The following QKI variants were observed in gnomAD, a reference collection of about 807,000 sequenced individuals.
The protein encoded by QKI is KH domain-containing RNA-binding protein QKI.
QKI carries 10 observed loss-of-function variants against 39.0 expected under a neutral mutation model. The ratio of observed to expected loss-of-function variants is 0.26; its 90% CI spans 0.16 to 0.43. The LOEUF (loss-of-function observed/expected upper bound fraction) is 0.43. Ranked by LOEUF, QKI falls within the 20% of genes least tolerant of loss-of-function variation. The probability of loss-of-function intolerance (pLI) is 1.00; values close to 1 mark genes in which losing one functional copy is unlikely to be tolerated. For missense variants in QKI, 218 were observed against 428.0 expected, an observed-to-expected ratio of 0.51 and a Z score of 4.33; for synonymous variants, 204 against 155.4, an observed-to-expected ratio of 1.31 and a Z score of -2.33.
At chr6:163,432,271 C>T (rs934202015) in intron 1 of QKI, among the ~76,000 whole-genome samples, 1 of 152,140 alleles carries the variant, frequency 6.6e-6, no homozygotes, top group Non-Finnish European at 1.5e-5. Context: ...CAAAGGCTCT[C>T]CTAGGTAGTG....
chr6:163,564,133 G>T lies in QKI; in HGVS notation c.934+414G>T, dbSNP rs1783205955. On this transcript the variant is annotated intron_variant, in intron 6 of 7. Transcript: ENST00000361752. ...TTGGAAAATTTTTAAACTTCTAAGT[G>T]AAAGTAGTCTGAGCGCTTTATAAAA... is the stretch of plus-strand genomic sequence containing the variant. 9.7e-6 allele frequency: 10 copies of T among 1,031,342 alleles called. No homozygotes were observed. In the South Asian group the frequency reaches 3.7e-4, roughly 38 times the overall value. The allele number at this position is 1,031,342 out of a possible 1,614,324, so 63.9% of individuals were successfully genotyped here. A position where few individuals can be genotyped will look rare whatever the true frequency, so the allele number is the denominator to read the frequency against.
chr6:163,562,183 CTG>C (rs1783069357), intron 5 of QKI, 114 bp downstream of exon 5: 1 of 596,086 alleles, frequency 1.7e-6, no homozygotes, highest in Non-Finnish European at 2.7e-6. Context: ...GTTGAAATAA[CTG>C]TTCTGTCACT....
chr6:163,446,501 A>G (rs1790164948), intron 1 of QKI, among the ~76,000 whole-genome samples: 1 of 152,126 alleles, frequency 6.6e-6, no homozygotes, highest in African/African-American at 2.4e-5. Context: ...TCTTCTTCGG[A>G]TATTCATTAA....
rs1783711251 is a variant in QKI at position 163,571,718 on chromosome 6, A to AC, written c.*1008_*1009insC. On this transcript the variant is annotated 3_prime_UTR_variant, in exon 8 of 8. Coordinates refer to ENST00000361752, the MANE Select transcript of QKI (RefSeq NM_006775.3). ...GTAGCATTTTATACTTTCAAGTGTT[A>AC]TAAAAAAAAAGAAAAAGAACAAAGA... is the stretch of plus-strand genomic sequence containing the variant. 4.8e-5 allele frequency: 2 copies of AC among 41,836 alleles called. No homozygotes were observed. Among genetic ancestry groups the AC allele is most frequent in the Non-Finnish European group, 7.5e-5 (2 of 26,592 alleles). 2.6% of individuals were successfully genotyped at this position (41,836 alleles called of 1,614,324 possible).
rs1377694607 is a variant in QKI at position 163,576,399 on chromosome 6, A to T, written c.*5689A>T. 1 of 152,288 alleles carries T rather than the reference A, an allele frequency of 6.6e-6. No homozygotes were observed. The highest frequency in any genetic ancestry group is 1.9e-4 in the East Asian group (1 of 5,190). 9.4% of individuals were successfully genotyped at this position (152,288 alleles called of 1,614,324 possible). On this transcript the variant is annotated 3_prime_UTR_variant, in exon 8 of 8. Transcript: ENST00000361752. ...AGCCACAGTGTTGATTCCACATTATAATGTTGTTGCCTCTTCTTGGCAAAA... is the reference window on the plus strand; with the variant it reads ...AGCCACAGTGTTGATTCCACATTATTATGTTGTTGCCTCTTCTTGGCAAAA...
intron 1 of QKI, among the ~76,000 whole-genome samples, chr6:163,439,280 G>T (rs975782955): frequency 4.1e-5 from 6 of 147,832 alleles, no homozygotes; most frequent in Admixed American, 6.9e-5. Context: ...TCAAGCGAAA[G>T]AATTTATTCT....
chr6:163,429,072 G>A (rs553040213), intron 1 of QKI: 7 of 152,276 alleles, frequency 4.6e-5, no homozygotes, highest in African/African-American at 9.6e-5. Context: ...CAGAGATAGC[G>A]TAGCACATTG....
intron 3 of QKI, among the ~76,000 whole-genome samples, chr6:163,506,885 T>A (rs181693834): frequency 1.3e-5 from 2 of 152,312 alleles, no homozygotes. Context: ...ACCCACTTCA[T>A]TCCTCCCATC....
intron 3 of QKI, among the ~76,000 whole-genome samples, chr6:163,521,775 C>T (rs1367230440): frequency 1.3e-5 from 2 of 152,162 alleles, no homozygotes; most frequent in African/African-American, 4.8e-5. Context: ...CCCACCTCAG[C>T]CTCCCAAAGT....
intron 3 of QKI, among the ~76,000 whole-genome samples, chr6:163,500,817 T>C (rs1329259256): frequency 6.6e-6 from 1 of 152,146 alleles, no homozygotes; most frequent in Non-Finnish European, 1.5e-5. Flanking sequence ...ATTGCTAAGC[T>C]AGAGGCAATA....
At chr6:163,469,131 C>G (rs1791999032) in intron 2 of QKI, among the ~76,000 whole-genome samples, 1 of 152,126 alleles carries the variant, frequency 6.6e-6, no homozygotes, top group South Asian at 2.1e-4. Context: ...AACTGCTTTA[C>G]AAATATTTTT....
Position 163,575,012 on chromosome 6 carries a change from A to G in QKI, c.*4302A>G, listed in dbSNP as rs1257516631. ...TTAGCTGATGTGAGTGATAACAGCG[A>G]ATCACCATTGAGATGGTCATTTGGA... On this transcript the variant is annotated 3_prime_UTR_variant, in exon 8 of 8. Transcript: ENST00000361752. 6.6e-6 allele frequency: 1 copy of G among 152,178 alleles called. No individual in the cohort carries two copies. Among genetic ancestry groups the G allele is most frequent in the Non-Finnish European group, 1.5e-5 (1 of 68,034 alleles). The allele number at this position is 152,178 out of a possible 1,614,324, so 9.4% of individuals were successfully genotyped here. A position where few individuals can be genotyped will look rare whatever the true frequency, so the allele number is the denominator to read the frequency against.
chr6:163,560,755 G>A (rs1782943074), intron 4 of QKI, among the ~76,000 whole-genome samples: 1 of 152,206 alleles, frequency 6.6e-6, no homozygotes, highest in African/African-American at 2.4e-5. Flanking sequence ...GAGACAGAAT[G>A]TTGAGAAACA....
chr6:163,418,331 A>G (rs1023792800), intron 1 of QKI, among the ~76,000 whole-genome samples: 4 of 152,136 alleles, frequency 2.6e-5, no homozygotes, highest in Non-Finnish European at 5.9e-5. Flanking sequence ...CCATTTGGCT[A>G]GTTACAAATT....
At position 163,490,293 on chromosome 6, in the gene QKI, T is replaced by C. The variant is rs1012849625; in HGVS notation, c.402+11397T>C. On this transcript the variant is annotated intron_variant, in intron 3 of 7. Transcript: ENST00000361752. ...AGTTTTCATTACCTTCTACCATAGT[T>C]AATTTAATACAATCTGCGGCAGCAG... 8.5e-5 allele frequency among the ~76,000 whole-genome samples: 13 copies of C among 152,222 alleles called. No individual in the cohort carries two copies. In the East Asian group the frequency reaches 2.5e-3, roughly 29 times the overall value.
At chr6:163,466,195 C>T (rs773945668) in intron 2 of QKI, among the ~76,000 whole-genome samples, 1 of 150,324 alleles carries the variant, frequency 6.7e-6, no homozygotes. Flanking sequence ...AGAAATAATA[C>T]CCAGGAGGTA....
intron 1 of QKI, chr6:163,416,391 C>T (rs969230922): frequency 6.2e-6 from 1 of 161,970 alleles, no homozygotes; most frequent in Non-Finnish European, 1.4e-5. Flanking sequence ...CAAAAAAAGT[C>T]TGTTTCGAAA....
intron 1 of QKI, among the ~76,000 whole-genome samples, chr6:163,446,212 T>C (rs947586264): frequency 1.1e-4 from 16 of 152,202 alleles, no homozygotes; most frequent in Admixed American, 5.9e-4. Flanking sequence ...TCTTTTCTTA[T>C]GGGTTGTAAT....
At chr6:163,454,445 C>G (rs1426433367) in intron 1 of QKI, among the ~76,000 whole-genome samples, 1 of 152,172 alleles carries the variant, frequency 6.6e-6, no homozygotes, top group African/African-American at 2.4e-5. Flanking sequence ...CTGTTACCCT[C>G]TTTCCCTTGA....
Sources: allele counts gnomAD v4.1 joint callset (sites outside exome capture counted in the v4.1 genomes callset), GRCh38; gene constraint gnomAD v4.1.1; transcripts MANE v1.5; gene names NCBI Gene and HGNC (gene_info 2026-07-23, HGNC 2026-07-21).